PARP16: variants seen among roughly 807,000 people sequenced by gnomAD.
The protein encoded by PARP16 is protein mono-ADP-ribosyltransferase PARP16.
In PARP16, 31 loss-of-function variants were observed where a neutral mutation model predicts 35.0. That is an observed-to-expected ratio of 0.88 (90% CI 0.66 to 1.19). PARP16 has a LOEUF of 1.19. Among genes scored for constraint, PARP16 ranks in the 50% most tolerant of loss-of-function variants. The probability of loss-of-function intolerance (pLI) is 0.00; values close to 1 mark genes in which losing one functional copy is unlikely to be tolerated. For missense variants in PARP16, 424 were observed against 411.2 expected, an observed-to-expected ratio of 1.03 and a Z score of -0.27; for synonymous variants, 162 against 169.5, an observed-to-expected ratio of 0.96 and a Z score of 0.34.
intron 3 of PARP16, among the ~76,000 whole-genome samples, chr15:65,240,249 T>C (rs1440224658): frequency 6.6e-6 from 1 of 151,764 alleles, no homozygotes; most frequent in African/African-American, 2.4e-5. Context: ...GCCATTCTGC[T>C]GCCTCAGCCT....
chr15:65,257,001 C>G (rs1322071553), downstream of PARP16, among the ~76,000 whole-genome samples: 1 of 152,224 alleles, frequency 6.6e-6, no homozygotes, highest in African/African-American at 2.4e-5. Flanking sequence ...CTATTAAACT[C>G]TCTGGCACTG....
intron 2 of PARP16, among the ~76,000 whole-genome samples, chr15:65,251,321 A>C (rs1326265259): frequency 2.6e-5 from 4 of 152,218 alleles, no homozygotes; most frequent in Non-Finnish European, 5.9e-5. Context: ...TTACATTAAA[A>C]ATAATGATGC....
chr15:65,270,276 T>G (rs1191620865), intron 2 of PARP16, among the ~76,000 whole-genome samples: 1 of 152,246 alleles, frequency 6.6e-6, no homozygotes, highest in Non-Finnish European at 1.5e-5. Flanking sequence ...ATGGAATGTC[T>G]GACTTGTGCC....
rs1241007566 is a variant in PARP16 at position 65,250,106 on chromosome 15, CCTT to C, written c.203-1881_203-1879del. Among the ~76,000 whole-genome samples, 23 of 104,208 alleles carry C rather than the reference CCTT, an allele frequency of 2.2e-4. 1 individual carries two copies. The highest frequency in any genetic ancestry group is 1.2e-3 in the East Asian group (4 of 3,264). 68.4% of individuals were successfully genotyped at this position (104,208 alleles called of 152,430 possible). A position where few individuals can be genotyped will look rare whatever the true frequency, so the allele number is the denominator to read the frequency against. ...CTAGCTGCAGCCTTGCACCTGCTTG[CCTT>C]TTTTTTTTTTTTTTTTTTTTTTTTT... On this transcript the variant is annotated intron_variant and NMD_transcript_variant, in intron 2 of 3. Coordinates refer to the PARP16 transcript ENST00000559805.
At chr15:65,276,429 A>T (rs2090257848) in intron 1 of PARP16, among the ~76,000 whole-genome samples, 1 of 152,172 alleles carries the variant, frequency 6.6e-6, no homozygotes, top group East Asian at 1.9e-4. Flanking sequence ...GCTGGAGTGC[A>T]GTGGCAAGAT....
intron 2 of PARP16, among the ~76,000 whole-genome samples, chr15:65,249,579 C>T (rs2089299344): frequency 6.6e-6 from 1 of 152,244 alleles, no homozygotes; most frequent in Admixed American, 6.5e-5. Flanking sequence ...CAGCCCCACC[C>T]AGCCAGGCAG....
At chr15:65,262,134 CTTTTTTTTT>C (rs958810685) in intron 4 of PARP16, among the ~76,000 whole-genome samples, 2 of 132,256 alleles carry the variant, frequency 1.5e-5, no homozygotes, top group Non-Finnish European at 1.6e-5. Context: ...TTTTTTCTTT[CTTTTTTTTT>C]TTTTTTTTGG....
chr15:65,283,835 C>T (rs533297462), intron 1 of PARP16, among the ~76,000 whole-genome samples: 30 of 152,238 alleles, frequency 2.0e-4, no homozygotes, highest in Non-Finnish European at 2.4e-4. Context: ...AATGAAGTTT[C>T]GTACCCAAGG....
rs745374501 is a variant in PARP16 at position 65,246,101 on chromosome 15, C to T, written c.*97+2016G>A. Among the ~76,000 whole-genome samples, 86 of 152,288 alleles carry T rather than the reference C, an allele frequency of 5.6e-4. 1 individual carries two copies. Among genetic ancestry groups the T allele is most frequent in the Non-Finnish European group, 7.8e-4 (53 of 68,014 alleles). ...GGCCAGCATGACCTCCAGGCAGACC[C>T]TCTCCCTGCTTCTCTCAGGGCCTCG... On this transcript the variant is annotated intron_variant and NMD_transcript_variant, in intron 3 of 3. Transcript: ENST00000559805.
intron 3 of PARP16, among the ~76,000 whole-genome samples, chr15:65,245,794 G>A (rs1254055433): frequency 6.6e-6 from 1 of 152,100 alleles, no homozygotes; most frequent in Non-Finnish European, 1.5e-5. Context: ...GCAGCTATTT[G>A]ACCAGACATT....
At chr15:65,240,332 GTGT>G in intron 3 of PARP16, among the ~76,000 whole-genome samples, 1 of 143,436 alleles carries the variant, frequency 7.0e-6, no homozygotes, top group East Asian at 2.0e-4. Context: ...TAGTGTGTGT[GTGT>G]GTGTGTGTGT....
intron 4 of PARP16, 36 bp from the exon 5 acceptor site, chr15:65,261,062 GA>G (rs1384259489): frequency 1.3e-6 from 2 of 1,596,504 alleles, no homozygotes; most frequent in Non-Finnish European, 1.7e-6. Context: ...TTCACTGGGG[GA>G]AACAGAACTA....
In PARP16 at chr15:65,259,353, C is replaced by T; in HGVS notation, c.*54G>A. On this transcript the variant is annotated 3_prime_UTR_variant, in exon 6 of 6. Transcript: ENST00000649807. ...GACATGAGGCATAGGAGGTACAGAA[C>T]AAGTTACCATAAGGCACATAGTTGA... 6.3e-7 allele frequency: 1 copy of T among 1,597,474 alleles called. No homozygotes were observed.
intron 3 of PARP16, among the ~76,000 whole-genome samples, chr15:65,263,882 G>T (rs2089814161): frequency 6.6e-6 from 1 of 152,104 alleles, no homozygotes; most frequent in Non-Finnish European, 1.5e-5. Context: ...ACTCTGATGG[G>T]CTTCAAATGC....
chr15:65,286,277 G>C lies in PARP16; in HGVS notation c.150C>G (p.Gly50=). Residue 50 remains glycine, a synonymous_variant, in exon 1 of 6, where the codon GGC becomes GGG. Coordinates refer to ENST00000649807, the MANE Select transcript of PARP16 (RefSeq NM_001316943.2). ...CCAGGGCTTCAAAGTCCTTACAGTCGCCGCGGGCGTAGGACGCGGGGAAGG... is the reference window on the plus strand; with the variant it reads ...CCAGGGCTTCAAAGTCCTTACAGTCCCCGCGGGCGTAGGACGCGGGGAAGG... ...LRPFPASYAR[G]DCKDFEALLA... 6.3e-7 allele frequency: 1 copy of C among 1,592,402 alleles called. No individual in the cohort carries two copies. The highest frequency in any genetic ancestry group is 8.5e-7 in the Non-Finnish European group (1 of 1,171,612).
chr15:65,286,174 T>C (rs2090586979), intron 1 of PARP16, 79 bp downstream of exon 1: 1 of 1,165,040 alleles, frequency 8.6e-7, no homozygotes, highest in African/African-American at 1.6e-5. Flanking sequence ...CTAATGCGGA[T>C]GGAACTGCCT....
chr15:65,250,308 G>A (rs555814764), intron 2 of PARP16, among the ~76,000 whole-genome samples: 22 of 151,594 alleles, frequency 1.5e-4, no homozygotes, highest in Non-Finnish European at 2.7e-4. Context: ...AGTACAGACG[G>A]GGTTTCACCA....
At chr15:65,234,600 A>T (rs1028012134) in exon 4 of PARP16, 1 of 152,144 alleles carries the variant, frequency 6.6e-6, no homozygotes, top group Non-Finnish European at 1.5e-5. Flanking sequence ...TTCTCTCATG[A>T]TTCTGGGAGT....
chr15:65,283,233 T>G (rs1480148132), intron 1 of PARP16, among the ~76,000 whole-genome samples: 1 of 151,982 alleles, frequency 6.6e-6, no homozygotes, highest in South Asian at 2.1e-4. Flanking sequence ...GCCCAGGAGT[T>G]CAAGACCAGT....
Sources: gnomAD v4.1 joint callset for allele counts (sites outside exome capture counted in the v4.1 genomes callset) on GRCh38, gnomAD v4.1.1 for gene constraint, MANE v1.5 for transcripts, NCBI Gene and HGNC (gene_info 2026-07-23, HGNC 2026-07-21) for gene names.